UNC13C: variants seen among roughly 807,000 people sequenced by gnomAD.
UNC13C encodes the protein unc-13 homolog C, also known as protein unc-13 homolog C.
Under a neutral mutation model 245.4 loss-of-function variants are expected in UNC13C, and 174 were observed. The ratio of observed to expected loss-of-function variants is 0.71; its 90% confidence interval spans 0.63 to 0.80. The LOEUF is 0.80. UNC13C is among the 30% of genes least tolerant of loss of function. The pLI is 0.00. For missense variants in UNC13C, 2,829 were observed against 2,602.9 expected (o/e 1.09, Z -1.89); for synonymous variants, 992 against 895.1 (o/e 1.11, Z -1.93).
the UNC13C span, among the ~76,000 whole-genome samples, chr15:53,954,315 G>A: frequency 6.6e-6 from 1 of 152,142 alleles, no homozygotes; most frequent in Non-Finnish European, 1.5e-5. Context: ...AAGAGACAAT[G>A]TTTCTTTCTG....
intron 2 of UNC13C, among the ~76,000 whole-genome samples, chr15:54,062,321 CT>C (rs1247548720): frequency 7.1e-6 from 1 of 140,870 alleles, no homozygotes; most frequent in Non-Finnish European, 1.5e-5. Flanking sequence ...GAAACTCAGT[CT>C]CAAAAAAAAA....
chr15:53,992,337 C>G (rs544090973), intron 1 of UNC13C, among the ~76,000 whole-genome samples: 2 of 152,020 alleles, frequency 1.3e-5, no homozygotes, highest in Non-Finnish European at 2.9e-5. Flanking sequence ...TCTTAACAGA[C>G]CCTGCCATTT....
At chr15:53,987,035 TTGTC>T (rs1894174253) in intron 1 of UNC13C, among the ~76,000 whole-genome samples, 1 of 152,044 alleles carries the variant, frequency 6.6e-6, no homozygotes, top group Non-Finnish European at 1.5e-5. Flanking sequence ...TGGCTTACCT[TTGTC>T]TGCAATATTG....
At chr15:54,414,822 T>A (rs79011399) in intron 18 of UNC13C, among the ~76,000 whole-genome samples, 160 bp from the exon 19 acceptor site, 1 of 132,826 alleles carries the variant, frequency 7.5e-6, no homozygotes, top group Non-Finnish European at 1.7e-5. Context: ...GTGTGTAACA[T>A]TTTTTTTTTT....
At chr15:53,969,554 C>A in the UNC13C span, among the ~76,000 whole-genome samples, 2 of 151,782 alleles carry the variant, frequency 1.3e-5, no homozygotes, top group Admixed American at 1.3e-4. Flanking sequence ...GGCATGGTGG[C>A]ACACACCTGT....
intron 17 of UNC13C, among the ~76,000 whole-genome samples, chr15:54,353,187 C>T (rs553881108): frequency 5.3e-5 from 8 of 152,178 alleles, no homozygotes; most frequent in Admixed American, 2.0e-4. Flanking sequence ...CCTCATGGGA[C>T]TCTAGCCAGA....
chr15:53,929,605 G>C, the UNC13C span, among the ~76,000 whole-genome samples: 6 of 152,114 alleles, frequency 3.9e-5, no homozygotes, highest in Admixed American at 3.9e-4. Flanking sequence ...CATTTAATTT[G>C]GGCCTTGCTC....
At chr15:54,325,447 C>A (rs559635093) in intron 14 of UNC13C, among the ~76,000 whole-genome samples, 1 of 152,016 alleles carries the variant, frequency 6.6e-6, no homozygotes, top group Non-Finnish European at 1.5e-5. Context: ...TTCCAGGGTA[C>A]ATGTGCACAA....
At chr15:54,554,277 A>G (rs1566906762) in intron 28 of UNC13C, among the ~76,000 whole-genome samples, 3 of 152,110 alleles carry the variant, frequency 2.0e-5, no homozygotes, top group Non-Finnish European at 4.4e-5. Context: ...ACTACCAAAT[A>G]AAACAGTAAG....
At chr15:53,854,122 G>GTTTTTTTTTTTTT in the UNC13C span, among the ~76,000 whole-genome samples, 18 of 133,568 alleles carry the variant, frequency 1.3e-4, no homozygotes, top group Non-Finnish European at 2.5e-4. Flanking sequence ...GTTTTTATAG[G>GTTTTTTTTTTTTT]TTTTTTTTTT....
At chr15:54,597,331 A>C (rs147441685) in intron 30 of UNC13C, among the ~76,000 whole-genome samples, 46 of 152,324 alleles carry the variant, frequency 3.0e-4, no homozygotes, top group African/African-American at 1.1e-3. Context: ...GCAGCGTGCC[A>C]GCGAAGAATC....
intron 4 of UNC13C, among the ~76,000 whole-genome samples, chr15:54,159,595 C>T (rs1044992370): frequency 6.6e-6 from 1 of 152,172 alleles, no homozygotes; most frequent in Admixed American, 6.6e-5. Context: ...TAAAATGTGT[C>T]TTAATAATCT....
At chr15:54,609,938 T>A (rs1296034961) in intron 30 of UNC13C, among the ~76,000 whole-genome samples, 1 of 152,014 alleles carries the variant, frequency 6.6e-6, no homozygotes, top group Non-Finnish European at 1.5e-5. Context: ...TATAAAACCA[T>A]CAGATCTCAT....
At chr15:54,334,999 A>G (rs547561859) in intron 16 of UNC13C, among the ~76,000 whole-genome samples, 1 of 152,236 alleles carries the variant, frequency 6.6e-6, no homozygotes, top group South Asian at 2.1e-4. Flanking sequence ...AATAGGAGGA[A>G]AGAAAGAGGA....
chr15:54,283,315 A>G (rs763270193), intron 10 of UNC13C, among the ~76,000 whole-genome samples: 4 of 152,200 alleles, frequency 2.6e-5, no homozygotes, highest in Non-Finnish European at 5.9e-5. Flanking sequence ...CCAATCATAT[A>G]TATACACACA....
At position 54,416,208 on chromosome 15, in the gene UNC13C, C is replaced by T. The variant is rs144852956; in HGVS notation, c.4933+1141C>T. ...CAGGTGCATGTCTTACTTAGATTTG[C>T]AACTTAGAAAAATCATTTTGATTAC... is the stretch of plus-strand genomic sequence containing the variant. On this transcript the variant is annotated intron_variant, in intron 19 of 32. Coordinates refer to ENST00000260323, the MANE Select transcript of UNC13C (RefSeq NM_001080534.3). 3.5e-3 allele frequency among the ~76,000 whole-genome samples: 530 copies of T among 152,226 alleles called. 4 individuals carry two copies. The highest frequency in any genetic ancestry group is 0.012 in the African/African-American group (497 of 41,544).
intron 10 of UNC13C, among the ~76,000 whole-genome samples, chr15:54,272,911 T>C (rs1281120913): frequency 1.3e-5 from 2 of 152,270 alleles, no homozygotes; most frequent in East Asian, 1.9e-4. Flanking sequence ...CTAGAAAATA[T>C]CAAATCAAGA....
At chr15:53,998,840 T>A (rs965469713) in intron 1 of UNC13C, among the ~76,000 whole-genome samples, 3 of 152,122 alleles carry the variant, frequency 2.0e-5, no homozygotes, top group African/African-American at 7.2e-5. Flanking sequence ...TGCCTTTTTT[T>A]TCTTTACATG....
chr15:54,254,899 A>G, intron 8 of UNC13C, among the ~76,000 whole-genome samples: 1 of 152,108 alleles, frequency 6.6e-6, no homozygotes, highest in South Asian at 2.1e-4. Context: ...GTAGCCTCCA[A>G]GAGTTCCCCG....
Sources: allele counts gnomAD v4.1 joint callset (sites outside exome capture counted in the v4.1 genomes callset), GRCh38; gene constraint gnomAD v4.1.1; transcripts MANE v1.5; gene names NCBI Gene and HGNC (gene_info 2026-07-23, HGNC 2026-07-21).